DNAH6: variants seen among roughly 807,000 people sequenced by gnomAD.
DNAH6 encodes dynein axonemal heavy chain 6.
In DNAH6, 340 loss-of-function variants were observed where a neutral mutation model predicts 491.4. The ratio of observed to expected loss-of-function variants is 0.69; its 90% confidence interval spans 0.63 to 0.76. The LOEUF (loss-of-function observed/expected upper bound fraction) is 0.76. Among genes scored for constraint, DNAH6 ranks in the 30% least tolerant of loss-of-function variants. The pLI, the probability that DNAH6 is intolerant of heterozygous loss-of-function variation, is 0.00. For missense variants in DNAH6, 4,443 were observed against 4,972.2 expected (o/e 0.89, Z 3.20); for synonymous variants, 1,603 against 1,686.1 (o/e 0.95, Z 1.21).
At chr2:84,545,767 A>G (rs1458574011) in intron 5 of DNAH6, among the ~76,000 whole-genome samples, 1 of 152,184 alleles carries the variant, frequency 6.6e-6, no homozygotes, top group Non-Finnish European at 1.5e-5. Context: ...TCTTATATTT[A>G]TAATTAGTTA....
chr2:84,726,673 A>G (rs1698663843), intron 60 of DNAH6, among the ~76,000 whole-genome samples: 1 of 152,202 alleles, frequency 6.6e-6, no homozygotes, highest in Non-Finnish European at 1.5e-5. Flanking sequence ...ACCTAATGCT[A>G]AATGACAAGT....
the DNAH6 span, among the ~76,000 whole-genome samples, chr2:84,491,148 A>C: frequency 1.1e-4 from 17 of 152,326 alleles, no homozygotes; most frequent in African/African-American, 4.1e-4. Context: ...TGGAGTAGGT[A>C]AGTCATCCAG....
chr2:84,615,526 T>G (rs1686772435), intron 22 of DNAH6, among the ~76,000 whole-genome samples: 2 of 152,226 alleles, frequency 1.3e-5, no homozygotes, highest in African/African-American at 4.8e-5. Context: ...GGCTCTTTTT[T>G]TGGTTCCATA....
chr2:84,491,652 T>G, the DNAH6 span, among the ~76,000 whole-genome samples: 1 of 152,216 alleles, frequency 6.6e-6, no homozygotes, highest in Non-Finnish European at 1.5e-5. Context: ...GCAGAAGAAG[T>G]GTTCTTTCTC....
chr2:84,581,850 G>A (rs892833307), intron 14 of DNAH6, among the ~76,000 whole-genome samples: 4 of 152,130 alleles, frequency 2.6e-5, no homozygotes, highest in Non-Finnish European at 5.9e-5. Context: ...GGAGAATGAG[G>A]TGACCTATAG....
At chr2:84,661,047 T>C (rs1322181201) in intron 37 of DNAH6, among the ~76,000 whole-genome samples, 1 of 152,124 alleles carries the variant, frequency 6.6e-6, no homozygotes, top group African/African-American at 2.4e-5. Flanking sequence ...ATTCAATAAA[T>C]TTTATCACCT....
At chr2:84,686,586 T>C in intron 44 of DNAH6, 29 bp downstream of exon 44, 1 of 1,234,616 alleles carries the variant, frequency 8.1e-7, no homozygotes, top group Non-Finnish European at 1.1e-6. Flanking sequence ...CTTGACCTCA[T>C]TTGAAAATTG....
chr2:84,554,668 G>T lies in DNAH6; in HGVS notation c.1602+1634G>T, dbSNP rs547680898. On this transcript the variant is annotated intron_variant, in intron 10 of 76. Coordinates refer to ENST00000389394, the MANE Select transcript of DNAH6 (RefSeq NM_001370.2). The stretch of plus-strand genomic sequence containing the variant: ...ACAGTGTATGATTCTGTAATTTATG[G>T]GATAGGCAATTTGAAGGCATTTACA... Among the ~76,000 whole-genome samples the T allele has an allele frequency of 8.9e-4, 135 of 152,318 alleles. 1 individual carries two copies. The highest frequency in any genetic ancestry group is 3.0e-3 in the African/African-American group (124 of 41,568).
At chr2:84,720,675 A>G (rs934925936) in intron 59 of DNAH6, among the ~76,000 whole-genome samples, 15 of 151,882 alleles carry the variant, frequency 9.9e-5, no homozygotes, top group Admixed American at 6.6e-4. Flanking sequence ...GTAGGAATCC[A>G]TTTTTCTGGG....
the DNAH6 span, among the ~76,000 whole-genome samples, chr2:84,490,034 A>G: frequency 6.6e-5 from 10 of 152,150 alleles, no homozygotes; most frequent in African/African-American, 2.4e-4. Flanking sequence ...GTGAAGACCA[A>G]TACCCCCACC....
chr2:84,618,037 T>C (rs1389219255), intron 23 of DNAH6, among the ~76,000 whole-genome samples: 1 of 152,076 alleles, frequency 6.6e-6, no homozygotes, highest in African/African-American at 2.4e-5. Context: ...ACTCTAGTCC[T>C]AGAACTTCAG....
At chr2:84,811,906 G>A (rs976470045) in intron 72 of DNAH6, among the ~76,000 whole-genome samples, 7 of 151,490 alleles carry the variant, frequency 4.6e-5, no homozygotes, top group African/African-American at 1.2e-4. Context: ...CTAACTCTGG[G>A]GTTTGGGGGA....
chr2:84,523,239 A>G (rs140515175), intron 2 of DNAH6, among the ~76,000 whole-genome samples: 60 of 152,108 alleles, frequency 3.9e-4, no homozygotes, highest in African/African-American at 1.4e-3. Flanking sequence ...GTTTATGTGC[A>G]TATGGTATTC....
rs1696614169 is a variant in DNAH6, at chr2:84,707,707, C to G, written c.9039C>G (p.Tyr3013Ter). 2.1e-5 allele frequency: 33 copies of G among 1,551,668 alleles called. No homozygotes were observed. Among genetic ancestry groups the G allele is most frequent in the Non-Finnish European group, 2.7e-5 (31 of 1,146,738 alleles). The change falls in exon 54 of 77, where the codon TAC (tyrosine) becomes TAG (stop). Residue 3013 changes from tyrosine to a stop codon, truncating the protein, a stop_gained. Transcript: ENST00000389394. LOFTEE classifies it high-confidence loss of function. ...ACTATGGGGCTTTCACAGCCCAGTA[C>G]AGGCAGTCAGTGAGTAACCCTGCTT... ...VAYYGAFTAQ[Y>*]RQSLIECWIQ... is the part of the protein sequence containing the mutation.
intron 49 of DNAH6, 45 bp downstream of exon 49, chr2:84,701,384 A>C: frequency 6.6e-7 from 1 of 1,524,274 alleles, no homozygotes; most frequent in Non-Finnish European, 8.9e-7. Context: ...GCTTGAACTC[A>C]GAACTTTTGA....
Position 84,544,228 on chromosome 2 carries a change from T to C in DNAH6, c.663-5T>C. ...TTATTAGTCCCAATTTTTATTTGTT[T>C]ATAGAGTTGTAAGTTATGAGAACAT... On this transcript the variant is annotated splice_region_variant and splice_polypyrimidine_tract_variant and intron_variant, in intron 4 of 76. Transcript: ENST00000389394. The C allele has an allele frequency of 2.9e-6, 4 of 1,382,518 alleles. No homozygotes were observed. The highest frequency in any genetic ancestry group is 3.9e-6 in the Non-Finnish European group (4 of 1,020,338). 85.6% of individuals were successfully genotyped at this position (1,382,518 alleles called of 1,614,324 possible).
intron 29 of DNAH6, among the ~76,000 whole-genome samples, chr2:84,626,949 G>A (rs545470624): frequency 6.6e-5 from 10 of 152,258 alleles, no homozygotes; most frequent in African/African-American, 2.4e-4. Flanking sequence ...GAATCACCCG[G>A]AGATATTTAT....
At chr2:84,605,684 A>G in intron 20 of DNAH6, 92 bp downstream of exon 20, 3 of 767,930 alleles carry the variant, frequency 3.9e-6, no homozygotes, top group Non-Finnish European at 6.2e-6. Context: ...AGGGAATAAA[A>G]CATGAGAGTC....
At chr2:84,601,216 G>A (rs866139527) in intron 18 of DNAH6, among the ~76,000 whole-genome samples, 28 of 111,468 alleles carry the variant, frequency 2.5e-4, no homozygotes, top group Middle Eastern at 4.5e-3. Flanking sequence ...AGACTTAATG[G>A]CCAAAGCCAT....
Sources: allele counts gnomAD v4.1 joint callset (sites outside exome capture counted in the v4.1 genomes callset), GRCh38; gene constraint gnomAD v4.1.1; transcripts MANE v1.5; gene names NCBI Gene and HGNC (gene_info 2026-07-23, HGNC 2026-07-21).